Variants in PCDHA1 observed in about 807,000 individuals in gnomAD.
The protein encoded by PCDHA1 is protocadherin alpha-1.
Under a neutral mutation model 61.3 loss-of-function variants are expected in PCDHA1, and 42 were observed. The observed-to-expected ratio is 0.69, with a 90% CI of 0.54 to 0.89. PCDHA1 has a LOEUF of 0.89. Ranked by LOEUF, PCDHA1 falls within the 40% of genes least tolerant of loss-of-function variation. PCDHA1 has a pLI of 0.00. For missense variants in PCDHA1, 1,256 were observed against 1,235.3 expected (o/e 1.02, Z -0.25); for synonymous variants, 610 against 553.8 (o/e 1.10, Z -1.43).
At chr5:140,802,650 C>T (rs781790782) in intron 1 of PCDHA1, 1 of 1,613,686 alleles carries the variant, frequency 6.2e-7, no homozygotes, top group Non-Finnish European at 8.5e-7. Context: ...CGCGGACGCG[C>T]AGGAGAACGC....
At chr5:140,792,227 A>G (rs1326503905) in intron 1 of PCDHA1, among the ~76,000 whole-genome samples, 2 of 151,758 alleles carry the variant, frequency 1.3e-5, no homozygotes, top group Non-Finnish European at 2.9e-5. Context: ...CTGTCTTCAC[A>G]TTTCCTTCTT....
At chr5:140,894,044 T>C (rs2064295340) in intron 1 of PCDHA1, among the ~76,000 whole-genome samples, 1 of 152,190 alleles carries the variant, frequency 6.6e-6, no homozygotes, top group Admixed American at 6.5e-5. Context: ...ATGTAAGTCC[T>C]CTGTTGAATT....
intron 1 of PCDHA1, chr5:140,850,265 G>A (rs2150476543): frequency 1.3e-6 from 2 of 1,594,610 alleles, no homozygotes; most frequent in Admixed American, 1.7e-5. Context: ...CCGGCGTAGT[G>A]GTGGGGAAGG....
At chr5:140,895,026 A>G (rs549013601) in intron 1 of PCDHA1, among the ~76,000 whole-genome samples, 5 of 152,096 alleles carry the variant, frequency 3.3e-5, no homozygotes, top group African/African-American at 1.2e-4. Flanking sequence ...CCTTTGTTTA[A>G]TTGTCCCCCA....
intron 1 of PCDHA1, among the ~76,000 whole-genome samples, chr5:140,846,022 C>T (rs1294786212): frequency 1.3e-5 from 2 of 149,390 alleles, no homozygotes; most frequent in South Asian, 4.2e-4. Context: ...AAAGTTATTA[C>T]GAGTTTAGGA....
At chr5:140,953,540 T>C (rs1217393469) in intron 1 of PCDHA1, among the ~76,000 whole-genome samples, 1 of 152,174 alleles carries the variant, frequency 6.6e-6, no homozygotes, top group Non-Finnish European at 1.5e-5. Flanking sequence ...CACTTCATGC[T>C]GATTCTTTTC....
At position 140,787,538 on chromosome 5, in the gene PCDHA1, G is replaced by A. The variant is rs1761378567; in HGVS notation, c.1248G>A (p.Glu416=). The change falls in exon 1 of 4, where the codon GAG becomes GAA. Residue 416 remains glutamate (E), a synonymous_variant. Transcript: ENST00000504120. ...TGTTGGACAGCGCCCTGGATCGCGAGAGCCTGTCGGTCTATGAGCTGGTGG... is the reference window on the plus strand; with the variant it reads ...TGTTGGACAGCGCCCTGGATCGCGAAAGCCTGTCGGTCTATGAGCTGGTGG... The part of the protein sequence containing the change: ...SLVLDSALDR[E]SLSVYELVVT... The A allele has an allele frequency of 1.2e-6, 2 of 1,614,128 alleles. No individual in the cohort carries two copies. The highest frequency in any genetic ancestry group is 1.3e-5 in the African/African-American group (1 of 74,964).
chr5:140,921,345 A>C (rs1411062408), intron 1 of PCDHA1, among the ~76,000 whole-genome samples: 1 of 152,120 alleles, frequency 6.6e-6, no homozygotes, highest in African/African-American at 2.4e-5. Context: ...CACATAATAT[A>C]TTTGCCTATA....
chr5:140,979,592 T>C (rs1554240865), intron 2 of PCDHA1, among the ~76,000 whole-genome samples: 1 of 152,248 alleles, frequency 6.6e-6, no homozygotes, highest in African/African-American at 2.4e-5. Flanking sequence ...CTAGCTTACT[T>C]TAAATTAACC....
chr5:140,971,698 A>G (rs969936167), intron 1 of PCDHA1, among the ~76,000 whole-genome samples: 16 of 151,980 alleles, frequency 1.1e-4, no homozygotes, highest in Non-Finnish European at 2.2e-4. Context: ...CTCACTAACC[A>G]CCCTGCTATA....
intron 1 of PCDHA1, among the ~76,000 whole-genome samples, chr5:140,908,920 C>A (rs782461394): frequency 6.6e-5 from 10 of 152,180 alleles, no homozygotes; most frequent in Admixed American, 1.3e-4. Flanking sequence ...GTAGGAGGGG[C>A]CAAATGCAGC....
chr5:140,856,479 C>T, intron 1 of PCDHA1: 1 of 1,598,354 alleles, frequency 6.3e-7, no homozygotes, highest in Non-Finnish European at 8.6e-7. Context: ...ATACCTGAAT[C>T]CAGACTGCTT....
At chr5:140,992,457 A>G (rs2097512834) in intron 3 of PCDHA1, among the ~76,000 whole-genome samples, 1 of 152,136 alleles carries the variant, frequency 6.6e-6, no homozygotes, top group Non-Finnish European at 1.5e-5. Context: ...GCAGCAGAGG[A>G]CAGTACTCTT....
rs1464705038 is a variant in PCDHA1 at position 140,883,214 on chromosome 5, T to C, written c.2394+94530T>C. 4.3e-6 allele frequency: 7 copies of C among 1,613,892 alleles called. No individual in the cohort carries two copies. The highest frequency in any genetic ancestry group is 5.9e-6 in the Non-Finnish European group (7 of 1,180,024). The stretch of plus-strand genomic sequence containing the variant: ...ACTAGATTTCGAAGAAAAGAAATTA[T>C]ATGAAATATCCGTGGAGGCAGTTGA... On this transcript the variant is annotated intron_variant, in intron 1 of 3. Coordinates refer to ENST00000504120, the MANE Select transcript of PCDHA1 (RefSeq NM_018900.4).
chr5:140,851,363 A>C lies in PCDHA1; in HGVS notation c.2394+62679A>C. 5 of 979,054 alleles carry C rather than the reference A, an allele frequency of 5.1e-6. 1 individual carries two copies. Among genetic ancestry groups the C allele is most frequent in the Non-Finnish European group, 6.2e-6 (5 of 807,194 alleles). 60.6% of individuals were successfully genotyped at this position (979,054 alleles called of 1,614,324 possible). On this transcript the variant is annotated intron_variant, in intron 1 of 3. Coordinates refer to ENST00000504120, the MANE Select transcript of PCDHA1 (RefSeq NM_018900.4). ...ATTTCTCTGGATGGAGACTGTGAAC[A>C]TCTGATTGTTCAGCAACCTTCAGTA...
chr5:140,882,404 G>T, intron 1 of PCDHA1: 1 of 1,614,152 alleles, frequency 6.2e-7, no homozygotes, highest in Non-Finnish European at 8.5e-7. Context: ...CACCTTCGTG[G>T]GCCGCATCGC....
chr5:140,807,525 C>G, intron 1 of PCDHA1: 1 of 1,614,052 alleles, frequency 6.2e-7, no homozygotes, highest in South Asian at 1.1e-5. Flanking sequence ...GTAGACAGGC[C>G]GCTGCAGGTT....
intron 1 of PCDHA1, chr5:140,795,266 A>G (rs1761938718): frequency 6.2e-7 from 1 of 1,614,222 alleles, no homozygotes; most frequent in Non-Finnish European, 8.5e-7. Context: ...CGGAGCGCGG[A>G]ATGTAGCATC....
chr5:140,943,558 A>T (rs1328715238), intron 1 of PCDHA1, among the ~76,000 whole-genome samples: 1 of 152,194 alleles, frequency 6.6e-6, no homozygotes, highest in Non-Finnish European at 1.5e-5. Flanking sequence ...GTAGACAATA[A>T]TCATTTTAAT....
Sources: gnomAD v4.1 joint callset for allele counts (sites outside exome capture counted in the v4.1 genomes callset) on GRCh38, gnomAD v4.1.1 for gene constraint, MANE v1.5 for transcripts, NCBI Gene and HGNC (gene_info 2026-07-23, HGNC 2026-07-21) for gene names.